APPBP2: variants seen among roughly 807,000 people sequenced by gnomAD.
APPBP2 encodes the protein amyloid protein-binding protein 2.
A neutral mutation model predicts 76.0 loss-of-function variants in APPBP2; 15 were observed. That is an observed-to-expected ratio of 0.20 (90% CI 0.13 to 0.30). The LOEUF is 0.30. Among genes scored for constraint, APPBP2 ranks in the 10% least tolerant of loss-of-function variants. The probability of loss-of-function intolerance (pLI) is 1.00; values close to 1 mark genes in which losing one functional copy is unlikely to be tolerated. For missense variants in APPBP2, 401 were observed against 687.2 expected, an observed-to-expected ratio of 0.58 and a Z score of 4.66; for synonymous variants, 222 against 242.2, an observed-to-expected ratio of 0.92 and a Z score of 0.77.
chr17:60,512,832 T>TAAAAAA (rs770075935), intron 1 of APPBP2, among the ~76,000 whole-genome samples: 48 of 29,838 alleles, frequency 1.6e-3, no homozygotes, highest in African/African-American at 6.2e-3. Context: ...AGACTCCATC[T>TAAAAAA]AAAAAAAAAA....
chr17:60,519,763 T>C (rs371557619), intron 1 of APPBP2, among the ~76,000 whole-genome samples: 1 of 151,404 alleles, frequency 6.6e-6, no homozygotes, highest in Non-Finnish European at 1.5e-5. Context: ...TTTATAATTT[T>C]AGTAGCCAAA....
chr17:60,453,497 C>A (rs945360970), intron 11 of APPBP2, among the ~76,000 whole-genome samples: 1 of 149,194 alleles, frequency 6.7e-6, no homozygotes, highest in Admixed American at 6.6e-5. Context: ...ATATATTAAT[C>A]TTTTTAGTTT....
intron 1 of APPBP2, among the ~76,000 whole-genome samples, chr17:60,521,843 T>C (rs2091012349): frequency 6.6e-6 from 1 of 152,206 alleles, no homozygotes; most frequent in Non-Finnish European, 1.5e-5. Flanking sequence ...AGACAATTTA[T>C]CTTCTTCCAA....
chr17:60,519,773 ATTTAATT>A (rs904124723), intron 1 of APPBP2, among the ~76,000 whole-genome samples: 2 of 147,374 alleles, frequency 1.4e-5, no homozygotes, highest in African/African-American at 5.2e-5. Flanking sequence ...TAGTAGCCAA[ATTTAATT>A]TTTTTTTTTT....
intron 9 of APPBP2, 57 bp downstream of exon 9, chr17:60,460,606 A>G (rs2090469306): frequency 1.9e-6 from 3 of 1,556,288 alleles, no homozygotes; most frequent in Non-Finnish European, 2.6e-6. Flanking sequence ...ATGGGAAAAA[A>G]CAAAATAAAA....
Position 60,451,931 on chromosome 17 carries a change from T to C in APPBP2, c.1453A>G (p.Met485Val), listed in dbSNP as rs774163000. The C allele has an allele frequency of 6.2e-7, 1 of 1,613,794 alleles. No individual in the cohort carries two copies. Among genetic ancestry groups the C allele is most frequent in the Non-Finnish European group, 8.5e-7 (1 of 1,179,858 alleles). The change falls in exon 12 of 13, where the codon ATG (methionine) becomes GTG (valine). Residue 485 changes from methionine to valine, a missense_variant. Met to Val is a conservative substitution (Grantham distance 21, BLOSUM62 1). Around this residue, in one of 5 missense-constraint regions of APPBP2, gnomAD observed 130 missense variants for 322.7 expected, o/e 0.40. Transcript: ENST00000083182. ...TTCTCAGCATTTTCATACTGATTCATGTCATAATTATATAAAGAAGCCAGA... is the reference window on the plus strand; with the variant it reads ...TTCTCAGCATTTTCATACTGATTCACGTCATAATTATATAAAGAAGCCAGA... ...GHLASLYNYD[M>V]NQYENAEKLY...
At chr17:60,522,925 C>T (rs2091022316) in intron 1 of APPBP2, among the ~76,000 whole-genome samples, 1 of 151,876 alleles carries the variant, frequency 6.6e-6, no homozygotes, top group South Asian at 2.1e-4. Context: ...TCTCCCTTCC[C>T]TGCTTATACA....
At chr17:60,523,423 G>C (rs1010617834) in intron 1 of APPBP2, among the ~76,000 whole-genome samples, 4 of 152,256 alleles carry the variant, frequency 2.6e-5, no homozygotes, top group African/African-American at 9.6e-5. Flanking sequence ...CTTAAGCCCA[G>C]GGGTTCAAGG....
At chr17:60,465,519 G>A (rs1305928015) in intron 5 of APPBP2, among the ~76,000 whole-genome samples, 2 of 152,166 alleles carry the variant, frequency 1.3e-5, no homozygotes, top group Non-Finnish European at 2.9e-5. Context: ...TGTGCTGAGA[G>A]CTGCAAAGAC....
intron 1 of APPBP2, among the ~76,000 whole-genome samples, chr17:60,510,464 G>T (rs2090902909): frequency 6.6e-6 from 1 of 151,960 alleles, no homozygotes; most frequent in Non-Finnish European, 1.5e-5. Flanking sequence ...GGTCACACCT[G>T]TAATCCCAGC....
chr17:60,513,985 T>C lies in APPBP2; in HGVS notation c.138+11809A>G, dbSNP rs2090941788. Among the ~76,000 whole-genome samples the C allele has an allele frequency of 2.8e-5, 4 of 143,640 alleles. No homozygotes were observed. The South Asian group carries it at 8.6e-4, about 31-fold the overall frequency. 94.2% of individuals were successfully genotyped at this position (143,640 alleles called of 152,430 possible). On this transcript the variant is annotated intron_variant, in intron 1 of 12. Transcript: ENST00000083182. ...CTTTCAATGCAAACACATATACATA[T>C]TTTCCCCACATTAAAAAAAAAAAAA...
At chr17:60,478,254 T>C (rs2090605092) in intron 4 of APPBP2, among the ~76,000 whole-genome samples, 1 of 152,048 alleles carries the variant, frequency 6.6e-6, no homozygotes, top group African/African-American at 2.4e-5. Context: ...TTTTAAGAAA[T>C]GCCAAATCAA....
intron 2 of APPBP2, among the ~76,000 whole-genome samples, chr17:60,496,603 A>T (rs1354477434): frequency 6.6e-6 from 1 of 152,164 alleles, no homozygotes; most frequent in East Asian, 1.9e-4. Flanking sequence ...GTTCTTATTT[A>T]TTAGATTTTT....
Position 60,494,523 on chromosome 17 carries a change from T to A in APPBP2, c.322A>T (p.Ile108Leu), listed in dbSNP as rs768353735. 3 of 1,612,530 alleles carry A rather than the reference T, an allele frequency of 1.9e-6. No homozygotes were observed. The African/African-American group carries it at 4.0e-5, about 22-fold the overall frequency. The change falls in exon 3 of 13, where the codon ATA (isoleucine) becomes TTA (leucine). Residue 108 changes from isoleucine (I) to leucine (L), a missense_variant. Coordinates refer to ENST00000083182, the MANE Select transcript of APPBP2 (RefSeq NM_006380.5). The part of the protein sequence containing the change: ...AYSFSRRCSY[I>L]AESDAAVKEK... Reference sequence around the variant, plus strand: ...TTTACTGCAGCATCTGATTCTGCTATATAAGAGCACCGCCTACTGAATGAG... The same window carrying A: ...TTTACTGCAGCATCTGATTCTGCTAAATAAGAGCACCGCCTACTGAATGAG...
intron 3 of APPBP2, among the ~76,000 whole-genome samples, chr17:60,480,787 C>G (rs1246074521): frequency 6.6e-6 from 1 of 152,194 alleles, no homozygotes; most frequent in Non-Finnish European, 1.5e-5. Flanking sequence ...AACCACATTT[C>G]TCCTTTGCTA....
Position 60,446,150 on chromosome 17 carries a change from A to G in APPBP2, c.*1431T>C, listed in dbSNP as rs2090344850. The G allele has an allele frequency of 1.3e-5, 2 of 152,508 alleles. No individual in the cohort carries two copies. Among genetic ancestry groups the G allele is most frequent in the African/African-American group, 4.8e-5 (2 of 41,458 alleles). 9.4% of individuals were successfully genotyped at this position (152,508 alleles called of 1,614,324 possible). On this transcript the variant is annotated 3_prime_UTR_variant, in exon 13 of 13. Transcript: ENST00000083182. Reference sequence around the variant, plus strand: ...GAGCAACATCTTTAACAGCCAAGTCATGAACCCCTGAAAATAGGGGGGGAA... The same window carrying G: ...GAGCAACATCTTTAACAGCCAAGTCGTGAACCCCTGAAAATAGGGGGGGAA...
At chr17:60,491,495 A>T (rs1430024606) in intron 3 of APPBP2, among the ~76,000 whole-genome samples, 1 of 152,158 alleles carries the variant, frequency 6.6e-6, no homozygotes, top group East Asian at 1.9e-4. Context: ...TGATCTCAGC[A>T]GTACAGTGAG....
At chr17:60,515,923 G>C (rs1042159201) in intron 1 of APPBP2, among the ~76,000 whole-genome samples, 2 of 152,218 alleles carry the variant, frequency 1.3e-5, no homozygotes, top group African/African-American at 4.8e-5. Context: ...CCAACACTCT[G>C]GGAGGCCGAG....
At chr17:60,461,653 C>A in intron 8 of APPBP2, 157 bp downstream of exon 8, 1 of 542,158 alleles carries the variant, frequency 1.8e-6, no homozygotes, top group East Asian at 3.0e-5. Flanking sequence ...ACTTTTACAC[C>A]TTCTAGGTAA....
Sources: allele counts gnomAD v4.1 joint callset (sites outside exome capture counted in the v4.1 genomes callset), GRCh38; gene constraint gnomAD v4.1.1; regional missense constraint gnomAD v4.1.1; transcripts MANE v1.5; gene names NCBI Gene and HGNC (gene_info 2026-07-23, HGNC 2026-07-21).